MYO1C: variants seen among roughly 807,000 people sequenced by gnomAD.
MYO1C encodes the protein myosin IC, also known as unconventional myosin-Ic.
A neutral mutation model predicts 150.8 loss-of-function variants in MYO1C; 104 were observed. The ratio of observed to expected loss-of-function variants is 0.69; its 90% CI spans 0.59 to 0.81. The LOEUF is 0.81. MYO1C is among the 30% of genes least tolerant of loss of function. The pLI is 0.00. For synonymous variants in MYO1C, 663 were observed against 579.9 expected (o/e 1.14, Z -2.06); for missense variants, 1,504 against 1,435.0 (o/e 1.05, Z -0.78).
chr17:1,484,358 C>A (rs1361651303), intron 1 of MYO1C, 55 bp from the exon 2 acceptor site: 14 of 1,593,566 alleles, frequency 8.8e-6, no homozygotes, highest in Non-Finnish European at 1.1e-5. Flanking sequence ...GGGGCAAGGC[C>A]ACTTCCCTGC....
At position 1,480,521 on chromosome 17, in the gene MYO1C, C is replaced by T. The variant is rs2074498409; in HGVS notation, c.906+6G>A. 7 of 1,607,098 alleles carry T rather than the reference C, an allele frequency of 4.4e-6. No individual in the cohort carries two copies. Among genetic ancestry groups the T allele is most frequent in the African/African-American group, 1.3e-5 (1 of 74,732 alleles). On this transcript the variant is annotated splice_donor_region_variant and intron_variant, in intron 7 of 31. Transcript: ENST00000648651. ...AGGAAAGCGAGGGTCCCGGAAGAGG[C>T]CTCACCTCCACTTCATCCTCGGTGA...
rs150120170 is a variant in MYO1C at position 1,473,946 on chromosome 17, T to C, written c.1797+664A>G. ...CTGCAGGCACACCCACTCATTGTGG[T>C]ACCTCAGTGCCTGGCAGTGTCTGCT... On this transcript the variant is annotated intron_variant, in intron 17 of 31. Coordinates refer to ENST00000648651, the MANE Select transcript of MYO1C (RefSeq NM_001080779.2). Among the ~76,000 whole-genome samples the C allele has an allele frequency of 9.1e-4, 139 of 152,222 alleles. 1 individual carries two copies. The Middle Eastern group carries it at 0.024, about 26-fold the overall frequency.
chr17:1,473,847 C>T (rs924211947), intron 17 of MYO1C, among the ~76,000 whole-genome samples: 2 of 152,170 alleles, frequency 1.3e-5, no homozygotes, highest in African/African-American at 2.4e-5. Context: ...TCCCCAACCC[C>T]TCACCCCTTC....
intron 1 of MYO1C, among the ~76,000 whole-genome samples, chr17:1,487,727 G>T (rs1420566150): frequency 1.3e-5 from 2 of 152,206 alleles, no homozygotes; most frequent in Admixed American, 1.3e-4. Context: ...AGACCAGCCT[G>T]ACCAGCATGG....
rs1567519413 is a variant in MYO1C at position 1,472,128 on chromosome 17, T to A, written c.1898A>T (p.Gln633Leu). Residue 633 changes from glutamine to leucine, a missense_variant, in exon 18 of 32, where the codon CAG (glutamine) becomes CTG (leucine). Coordinates refer to ENST00000648651, the MANE Select transcript of MYO1C (RefSeq NM_001080779.2). ...CCCCCGTGGGAGGGGCCTACCGGGCTGTTTGGCATCATTGGGTTTGATGCA... is the reference window on the plus strand; with the variant it reads ...CCCCCGTGGGAGGGGCCTACCGGGCAGTTTGGCATCATTGGGTTTGATGCA... ...VRCIKPNDAK[Q>L]PGRFDEVLIR... The A allele has an allele frequency of 3.1e-6, 5 of 1,614,060 alleles. No homozygotes were observed. The highest frequency in any genetic ancestry group is 2.5e-6 in the Non-Finnish European group (3 of 1,179,950).
intron 1 of MYO1C, among the ~76,000 whole-genome samples, chr17:1,490,692 C>T (rs1388044807): frequency 6.6e-6 from 1 of 152,028 alleles, no homozygotes; most frequent in African/African-American, 2.4e-5. Context: ...TATGCCAGGC[C>T]CATGATTCAC....
Position 1,465,591 on chromosome 17 carries a change from G to A in MYO1C, c.*135C>T. 1.1e-6 allele frequency: 1 copy of A among 938,950 alleles called. No individual in the cohort carries two copies. The highest frequency in any genetic ancestry group is 1.5e-6 in the Non-Finnish European group (1 of 679,656). 58.2% of individuals were successfully genotyped at this position (938,950 alleles called of 1,614,324 possible). A position where few individuals can be genotyped will look rare whatever the true frequency, so the allele number is the denominator to read the frequency against. ...TGCTCCCTCAAGAGAGGGATGGGCA[G>A]GAGGTGGGAGATTGCAGGTGGGCTT... On this transcript the variant is annotated 3_prime_UTR_variant, in exon 32 of 32. Coordinates refer to ENST00000648651, the MANE Select transcript of MYO1C (RefSeq NM_001080779.2).
rs373628152 is a variant in MYO1C at position 1,478,749 on chromosome 17, G to A, written c.1093-14C>T. 24 of 1,613,190 alleles carry A rather than the reference G, an allele frequency of 1.5e-5. No homozygotes were observed. Among genetic ancestry groups the A allele is most frequent in the Admixed American group, 1.3e-4 (8 of 60,008 alleles). On this transcript the variant is annotated splice_polypyrimidine_tract_variant and intron_variant, in intron 9 of 31. Coordinates refer to ENST00000648651, the MANE Select transcript of MYO1C (RefSeq NM_001080779.2). This position sits in a 1 kb window ranked among gnomAD's most constrained non-coding sequence, Gnocchi z 6.3. ...CGGGCTCAGGAGCTGTGGACGCAGCGTGAGACAAGGAGATGAATGCCACAG... is the reference window on the plus strand; with the variant it reads ...CGGGCTCAGGAGCTGTGGACGCAGCATGAGACAAGGAGATGAATGCCACAG...
intron 17 of MYO1C, among the ~76,000 whole-genome samples, chr17:1,473,859 G>A (rs1199145582): frequency 2.6e-5 from 4 of 151,318 alleles, no homozygotes; most frequent in East Asian, 1.9e-4. Context: ...CACCCCTTCC[G>A]CCCCGTCAGG....
Position 1,478,557 on chromosome 17 carries a change from C to T in MYO1C, c.1212+59G>A, listed in dbSNP as rs532925475. On this transcript the variant is annotated intron_variant, in intron 10 of 31. Coordinates refer to ENST00000648651, the MANE Select transcript of MYO1C (RefSeq NM_001080779.2). This position sits in a 1 kb window ranked among gnomAD's most constrained non-coding sequence, Gnocchi z 6.3. ...CGTGCCAGCCCCACCCTGCAGCACC[C>T]CCCGCCTCGCCGACGGCCCTCCCTT... 4 of 1,613,838 alleles carry T rather than the reference C, an allele frequency of 2.5e-6. No homozygotes were observed. Among genetic ancestry groups the T allele is most frequent in the African/African-American group, 2.7e-5 (2 of 75,054 alleles).
chr17:1,488,011 G>T (rs2074686196), intron 1 of MYO1C, among the ~76,000 whole-genome samples: 1 of 152,210 alleles, frequency 6.6e-6, no homozygotes, highest in South Asian at 2.1e-4. Context: ...CTAGAAGACG[G>T]GGTAGAGGGT....
Position 1,464,671 on chromosome 17 carries a change from T to A in MYO1C, c.*1055A>T, listed in dbSNP as rs534604960. On this transcript the variant is annotated 3_prime_UTR_variant, in exon 32 of 32. Coordinates refer to ENST00000648651, the MANE Select transcript of MYO1C (RefSeq NM_001080779.2). ...GACCGTGGGCAAGTGCCTTCTCCTG[T>A]TTGGGCATCTGTCTTCTGCTCTGTA... 2.6e-5 allele frequency: 4 copies of A among 152,774 alleles called. No individual in the cohort carries two copies. In the East Asian group the frequency reaches 7.7e-4, roughly 29 times the overall value. 9.5% of individuals were successfully genotyped at this position (152,774 alleles called of 1,614,324 possible).
chr17:1,483,438 A>G (rs1236198488), intron 3 of MYO1C, among the ~76,000 whole-genome samples, 172 bp downstream of exon 3: 1 of 151,976 alleles, frequency 6.6e-6, no homozygotes, highest in Non-Finnish European at 1.5e-5. Flanking sequence ...TCCCACCCAC[A>G]TGGAGCTGAG....
intron 3 of MYO1C, among the ~76,000 whole-genome samples, chr17:1,483,322 A>C (rs2074576922): frequency 1.8e-5 from 2 of 113,246 alleles, no homozygotes; most frequent in Non-Finnish European, 1.8e-5. Context: ...ACTCACGGGT[A>C]GGGCTGGGGG....
intron 25 of MYO1C, 129 bp downstream of exon 25, chr17:1,469,402 G>A: frequency 1.1e-6 from 1 of 921,556 alleles, no homozygotes; most frequent in South Asian, 1.4e-5. Context: ...GTAGATCGGG[G>A]TAAATACGGT....
At position 1,473,639 on chromosome 17, in the gene MYO1C, C is replaced by T. The variant is rs529993359; in HGVS notation, c.1797+971G>A. ...TTGCCAAGCCCAACAGCCGTACCTC[C>T]GCCTTCAGCTCGCTGGAGCCCTCCC... On this transcript the variant is annotated intron_variant, in intron 17 of 31. Coordinates refer to ENST00000648651, the MANE Select transcript of MYO1C (RefSeq NM_001080779.2). Among the ~76,000 whole-genome samples the T allele has an allele frequency of 1.4e-4, 21 of 152,286 alleles. No individual in the cohort carries two copies. In the South Asian group the frequency reaches 3.7e-3, roughly 27 times the overall value.
At chr17:1,490,468 A>G (rs1224772721) in intron 1 of MYO1C, among the ~76,000 whole-genome samples, 1 of 152,114 alleles carries the variant, frequency 6.6e-6, no homozygotes, top group Non-Finnish European at 1.5e-5. Context: ...ACTGCATTCC[A>G]TCCTGGGCAA....
intron 1 of MYO1C, chr17:1,491,748 GGCCCC>G (rs987242817): frequency 4.6e-5 from 31 of 676,604 alleles, no homozygotes; most frequent in Non-Finnish European, 5.6e-5. Flanking sequence ...CGCACCCTCC[GGCCCC>G]GCCCCGCCCC....
chr17:1,486,735 G>C (rs8067958), intron 1 of MYO1C: 127,759 of 152,204 alleles, frequency 0.84, 54,384 homozygotes, highest in African/African-American at 0.89. Flanking sequence ...AAGCTGGTCT[G>C]GAACTCCTGA....
Sources: gnomAD v4.1 joint callset for allele counts (sites outside exome capture counted in the v4.1 genomes callset) on GRCh38, gnomAD v4.1.1 for gene constraint, Gnocchi (gnomAD v3.1) non-coding constraint, MANE v1.5 for transcripts, NCBI Gene and HGNC (gene_info 2026-07-23, HGNC 2026-07-21) for gene names.